RBM10: variants seen among roughly 807,000 people sequenced by gnomAD.
RBM10 encodes the protein RNA-binding protein 10.
Under a neutral mutation model 84.9 loss-of-function variants are expected in RBM10, and 1 was observed. That is an observed-to-expected ratio of 0.01 (90% CI 0.00 to 0.06). The LOEUF (loss-of-function observed/expected upper bound fraction) is 0.06. RBM10 is among the 10% of genes least tolerant of loss of function. The pLI is 1.00. For missense variants in RBM10, 438 were observed against 839.0 expected (o/e 0.52, Z 5.90); for synonymous variants, 326 against 344.5 (o/e 0.95, Z 0.60).
In RBM10 at chrX:47,180,227, C is replaced by T. The variant is rs1288419624; in HGVS notation, c.1078C>T (p.Leu360=). The T allele has an allele frequency of 3.3e-6, 4 of 1,199,744 alleles. No individual in the cohort carries two copies. Among genetic ancestry groups the T allele is most frequent in the Non-Finnish European group, 4.5e-6 (4 of 889,098 alleles). ...CCTCCCACAGGAGGCAGCCCAGCTG[C>T]TGCAGATCCTGCAGGCCCTGCACCC... The part of the protein sequence containing the change: ...LSTIVEAAQL[L]QILQALHPPL... The change falls in exon 11 of 24, where the codon CTG becomes TTG. Residue 360 remains leucine, a synonymous_variant. Coordinates refer to ENST00000377604, the MANE Select transcript of RBM10 (RefSeq NM_005676.5).
rs1934154918 is a variant in RBM10, at chrX:47,165,862, A to G, written c.18-3453A>G. ...TAGTGAAACCCCGTCTCTACTAAAAATACAAAAATTATCCGGGCGTGGCTG... is the reference window on the plus strand; with the variant it reads ...TAGTGAAACCCCGTCTCTACTAAAAGTACAAAAATTATCCGGGCGTGGCTG... On this transcript the variant is annotated intron_variant, in intron 2 of 23. Transcript: ENST00000377604. Among the ~76,000 whole-genome samples the G allele has an allele frequency of 4.5e-5, 5 of 110,289 alleles. No homozygotes were observed. In the Admixed American group the frequency reaches 4.9e-4, roughly 11 times the overall value.
chrX:47,174,014 A>G (rs1331368556), intron 5 of RBM10, among the ~76,000 whole-genome samples: 5 of 89,587 alleles, frequency 5.6e-5, no homozygotes, highest in African/African-American at 1.8e-4. Flanking sequence ...CCTAACGGTT[A>G]TTCTTTTGAA....
intron 2 of RBM10, among the ~76,000 whole-genome samples, chrX:47,166,721 C>T (rs1275688979): frequency 1.8e-5 from 2 of 109,453 alleles, no homozygotes; most frequent in African/African-American, 6.7e-5. Context: ...AATCCTCCCA[C>T]TTTCACCCCG....
Position 47,173,132 on chromosome X carries a change from G to T in RBM10, c.437G>T (p.Arg146Leu), listed in dbSNP as rs1934797547. 8.3e-7 allele frequency: 1 copy of T among 1,210,972 alleles called. No homozygotes were observed. The highest frequency in any genetic ancestry group is 2.2e-5 in the Admixed American group (1 of 45,926). ...ACTCTGTATCTCCCCGTATAGATCC[G>T]TGGCCAGCTGCAGTCGCACGGCGTG... ...LPQAATEDDI[R>L]GQLQSHGVQA... Residue 146 changes from arginine to leucine, a missense_variant, in exon 5 of 24, where the codon CGT becomes CTT. Arg to Leu is a moderately radical substitution (Grantham distance 102). This residue lies in a region of RBM10 where 28 missense variants were observed against 98.6 expected (regional missense o/e 0.28). Transcript: ENST00000377604.
In RBM10 at chrX:47,181,843, C is replaced by T. The variant is rs1556779883; in HGVS notation, c.1670C>T (p.Ala557Val). 3 of 1,211,701 alleles carry T rather than the reference C, an allele frequency of 2.5e-6. No homozygotes were observed. The highest frequency in any genetic ancestry group is 4.3e-5 in the Admixed American group (2 of 46,046). The change falls in exon 15 of 24, where the codon GCC becomes GTC. Residue 557 changes from alanine (A) to valine (V), a missense_variant. Ala to Val is a moderately conservative substitution (Grantham distance 64, BLOSUM62 0). Around this residue, in one of 8 missense-constraint regions of RBM10, gnomAD observed 97 missense variants for 110.3 expected, o/e 0.88. Transcript: ENST00000377604. ...SALPPATSPT[A>V]QESYSQYPVP... ...CTCCCACCGGCTACCAGCCCCACTG[C>T]CCAGGAATCCTACAGCCAGTACCGT...
intron 6 of RBM10, among the ~76,000 whole-genome samples, chrX:47,176,233 G>T (rs60953802): frequency 9.1e-6 from 1 of 110,328 alleles, no homozygotes; most frequent in Non-Finnish European, 1.9e-5. Flanking sequence ...TCCGGCAAGC[G>T]TCGGTCAGCC....
chrX:47,186,407 G>C lies in RBM10; in HGVS notation c.2667+20G>C, dbSNP rs2147227619. On this transcript the variant is annotated intron_variant, in intron 23 of 23. Coordinates refer to ENST00000377604, the MANE Select transcript of RBM10 (RefSeq NM_005676.5). ...ATCGAGGTGAGTCTCAGGCAGTCCTGTCCCATCCCCCAGCACCCCTCACAG... is the reference window on the plus strand; with the variant it reads ...ATCGAGGTGAGTCTCAGGCAGTCCTCTCCCATCCCCCAGCACCCCTCACAG... The C allele has an allele frequency of 8.4e-7, 1 of 1,195,912 alleles. No individual in the cohort carries two copies.
chrX:47,177,097 A>G (rs782678996), intron 7 of RBM10, among the ~76,000 whole-genome samples: 63 of 112,336 alleles, frequency 5.6e-4, no homozygotes, highest in Non-Finnish European at 9.0e-4. Flanking sequence ...GGGAGGATTC[A>G]GCTGTGTTAA....
Position 47,182,420 on chromosome X carries a change from TGGC to T in RBM10, c.1950+97_1950+99del, listed in dbSNP as rs782590523. ...TCTTGCCCTCTCCTGCCAAGGGAGA[TGGC>T]GGGCAGGTGTGGATGTGGGCAGTGA... On this transcript the variant is annotated intron_variant, in intron 17 of 23. Coordinates refer to ENST00000377604, the MANE Select transcript of RBM10 (RefSeq NM_005676.5). 73 of 1,112,983 alleles carry T rather than the reference TGGC, an allele frequency of 6.6e-5. 1 individual carries two copies. The East Asian group carries it at 1.2e-3, about 18-fold the overall frequency. 91.7% of individuals were successfully genotyped at this position (1,112,983 alleles called of 1,213,427 possible). A position where few individuals can be genotyped will look rare whatever the true frequency, so the allele number is the denominator to read the frequency against.
rs59489451 is a variant in RBM10 at position 47,176,714 on chromosome X, G to GTCTC, written c.663+155_663+158dup. ...CTCCCCCAATCTCTCCTCTCCCTCT[G>GTCTC]TCTCTCTCTCTCTCTCTCTCTCTCT... is the stretch of plus-strand genomic sequence containing the variant. On this transcript the variant is annotated intron_variant, in intron 7 of 23. Transcript: ENST00000377604. The GTCTC allele has an allele frequency of 4.1e-3, 3,850 of 945,384 alleles. 65 individuals are homozygous for GTCTC. The African/African-American group carries it at 0.067, about 16-fold the overall frequency. The allele number at this position is 945,384 out of a possible 1,213,427, so 77.9% of individuals were successfully genotyped here.
intron 3 of RBM10, 148 bp downstream of exon 3, chrX:47,169,646 TC>T: frequency 3.5e-6 from 2 of 570,505 alleles, no homozygotes; most frequent in Non-Finnish European, 5.5e-6. Flanking sequence ...GAGGGCCTGT[TC>T]CCACTCCCCT....
At chrX:47,172,997 T>G in intron 4 of RBM10, 131 bp from the exon 5 acceptor site, 2 of 1,157,451 alleles carry the variant, frequency 1.7e-6, no homozygotes, top group South Asian at 3.8e-5. Context: ...AGGGAAAAGC[T>G]GCGAAAGAGG....
intron 5 of RBM10, among the ~76,000 whole-genome samples, chrX:47,174,292 G>A (rs1934940416): frequency 9.0e-6 from 1 of 110,887 alleles, no homozygotes; most frequent in African/African-American, 3.3e-5. Context: ...TACCTCTAAG[G>A]TCCTCCTGGC....
At chrX:47,162,525 G>C (rs1933799995) in intron 2 of RBM10, among the ~76,000 whole-genome samples, 1 of 111,587 alleles carries the variant, frequency 9.0e-6, no homozygotes, top group African/African-American at 3.3e-5. Flanking sequence ...CTAGGAGGTA[G>C]AGCTTAATTA....
chrX:47,167,378 CT>C (rs59244074), intron 2 of RBM10, among the ~76,000 whole-genome samples: 7,398 of 88,415 alleles, frequency 0.084, 777 homozygotes, highest in African/African-American at 0.26. Context: ...GATTTCATTT[CT>C]TTTTTTTTTT....
intron 2 of RBM10, among the ~76,000 whole-genome samples, chrX:47,149,453 C>T (rs1231681095): frequency 1.8e-5 from 2 of 111,831 alleles, no homozygotes; most frequent in African/African-American, 3.3e-5. Flanking sequence ...CTCTGCCTCC[C>T]GGTTTCAAGC....
intron 2 of RBM10, among the ~76,000 whole-genome samples, chrX:47,164,521 CAA>C (rs201448853): frequency 8.7e-5 from 6 of 69,257 alleles, no homozygotes; most frequent in African/African-American, 1.0e-4. Flanking sequence ...TACTCCATCT[CAA>C]AAAAAAAAAA....
intron 17 of RBM10, among the ~76,000 whole-genome samples, chrX:47,183,761 A>G (rs1325252310): frequency 2.7e-5 from 3 of 110,210 alleles, no homozygotes; most frequent in African/African-American, 9.9e-5. Context: ...CAGTGGTGCA[A>G]TCTCGGATCA....
chrX:47,175,125 C>G, intron 6 of RBM10, 33 bp downstream of exon 6: 1 of 987,211 alleles, frequency 1.0e-6, no homozygotes, highest in Non-Finnish European at 1.4e-6. Flanking sequence ...CCCCCCCAAA[C>G]AAATACTACT....
Sources: gnomAD v4.1 joint callset for allele counts (sites outside exome capture counted in the v4.1 genomes callset) on GRCh38, gnomAD v4.1.1 for gene constraint, gnomAD v4.1.1 regional missense constraint, MANE v1.5 for transcripts, NCBI Gene and HGNC (gene_info 2026-07-23, HGNC 2026-07-21) for gene names.